Variants in ICA1 observed in about 807,000 individuals in gnomAD.
The protein encoded by ICA1 is islet cell autoantigen 1, also known as 69 kDa islet cell autoantigen.
Under a neutral mutation model 71.0 loss-of-function variants are expected in ICA1, and 40 were observed. That is an observed-to-expected ratio of 0.56 (90% CI 0.44 to 0.73). ICA1 has a LOEUF of 0.73. Among genes scored for constraint, ICA1 ranks in the 30% least tolerant of loss-of-function variants. The pLI, the probability that ICA1 is intolerant of heterozygous loss-of-function variation, is 0.00. For missense variants in ICA1, 578 were observed against 576.5 expected (o/e 1.00, Z -0.03); for synonymous variants, 207 against 209.5 (o/e 0.99, Z 0.10).
chr7:8,249,374 C>T (rs936102905), intron 1 of ICA1, among the ~76,000 whole-genome samples: 2 of 152,200 alleles, frequency 1.3e-5, no homozygotes, highest in South Asian at 2.1e-4. Context: ...TGTAACTAAC[C>T]GTAAGCAGTT....
At chr7:8,121,897 C>T (rs10268598) in intron 13 of ICA1, among the ~76,000 whole-genome samples, 50,609 of 152,030 alleles carry the variant, frequency 0.33, 9,596 homozygotes, top group African/African-American at 0.52. Context: ...ACTAGTCCCA[C>T]AGAAATTAAA....
intron 6 of ICA1, among the ~76,000 whole-genome samples, chr7:8,184,497 G>C (rs1041944130): frequency 2.0e-5 from 3 of 152,188 alleles, no homozygotes; most frequent in African/African-American, 7.2e-5. Flanking sequence ...GGGTTGGAGA[G>C]GGGAGGAAAT....
chr7:8,119,377 A>T (rs1314898266), intron 13 of ICA1, among the ~76,000 whole-genome samples: 1 of 152,208 alleles, frequency 6.6e-6, no homozygotes. Flanking sequence ...AGAACACTGG[A>T]AAAAAGAGGC....
At chr7:8,143,835 G>T in intron 9 of ICA1, 40 bp downstream of exon 9, 3 of 1,318,508 alleles carry the variant, frequency 2.3e-6, no homozygotes, top group South Asian at 1.2e-5. Context: ...ACTCTCACCT[G>T]TGGGAAGAAA....
At chr7:8,160,108 G>T (rs192155489) in intron 6 of ICA1, among the ~76,000 whole-genome samples, 1 of 152,238 alleles carries the variant, frequency 6.6e-6, no homozygotes, top group African/African-American at 2.4e-5. Context: ...GCTGAATAAA[G>T]AAATTTTTCA....
chr7:8,144,025 G>C lies in ICA1; in HGVS notation c.805-53C>G, dbSNP rs1194225752. 4.9e-6 allele frequency: 5 copies of C among 1,029,000 alleles called. No individual in the cohort carries two copies. Among genetic ancestry groups the C allele is most frequent in the Admixed American group, 2.4e-5 (1 of 41,364 alleles). The allele number at this position is 1,029,000 out of a possible 1,614,324, so 63.7% of individuals were successfully genotyped here. On this transcript the variant is annotated intron_variant, in intron 8 of 13. Coordinates refer to ENST00000402384, the MANE Select transcript of ICA1 (RefSeq NM_001136020.3). The surrounding 1 kb of genome is among the most constrained non-coding windows in gnomAD (Gnocchi z 4.5). ...AAAGAAAAAAAAAGAAGAAGAAATA[G>C]AGACAAAAAAAAGAAAAGAAAGGTT... is the stretch of plus-strand genomic sequence containing the variant.
intron 1 of ICA1, among the ~76,000 whole-genome samples, chr7:8,255,244 C>T (rs1267382489): frequency 6.6e-6 from 1 of 152,168 alleles, no homozygotes; most frequent in Non-Finnish European, 1.5e-5. Flanking sequence ...TAAGCCCATG[C>T]TCTCTGGTTC....
At chr7:8,198,193 C>T (rs76615464) in intron 6 of ICA1, among the ~76,000 whole-genome samples, 4 of 152,318 alleles carry the variant, frequency 2.6e-5, no homozygotes, top group Non-Finnish European at 4.4e-5. Flanking sequence ...GCGCTGCACA[C>T]TGTGCTACTT....
At chr7:8,149,335 G>A (rs1439196279) in intron 8 of ICA1, among the ~76,000 whole-genome samples, 1 of 152,202 alleles carries the variant, frequency 6.6e-6, no homozygotes, top group Non-Finnish European at 1.5e-5. Flanking sequence ...GTTTCTTTGT[G>A]GAGGAAAGAA....
chr7:8,188,994 G>C (rs1186879300), intron 6 of ICA1, among the ~76,000 whole-genome samples: 2 of 152,192 alleles, frequency 1.3e-5, no homozygotes, highest in African/African-American at 4.8e-5. Flanking sequence ...CCTGGGAGAG[G>C]AGTCAATTAA....
Position 8,234,153 on chromosome 7 carries a change from C to G in ICA1, c.18-1398G>C, listed in dbSNP as rs7807796. On this transcript the variant is annotated intron_variant, in intron 2 of 13. Coordinates refer to ENST00000402384, the MANE Select transcript of ICA1 (RefSeq NM_001136020.3). The surrounding 1 kb of genome is among the most constrained non-coding windows in gnomAD (Gnocchi z 4.5). ...ATTGTTCAAGTCCAGGAGTTTGAGG[C>G]TGCAGGGAGCCGTGATCACACCACT... 0.033 allele frequency among the ~76,000 whole-genome samples: 5,045 copies of G among 152,190 alleles called. 284 individuals are homozygous for G. The highest frequency in any genetic ancestry group is 0.12 in the African/African-American group (4,800 of 41,504).
chr7:8,175,797 A>G (rs1204145994), intron 6 of ICA1, among the ~76,000 whole-genome samples: 1 of 152,208 alleles, frequency 6.6e-6, no homozygotes, highest in Admixed American at 6.5e-5. Context: ...AATATATCAA[A>G]TGTTGTACTG....
chr7:8,113,655 C>T lies in ICA1; in HGVS notation c.*268G>A. 1 of 308,562 alleles carries T rather than the reference C, an allele frequency of 3.2e-6. No individual in the cohort carries two copies. The highest frequency in any genetic ancestry group is 4.6e-5 in the South Asian group (1 of 21,784). The allele number at this position is 308,562 out of a possible 1,614,324, so 19.1% of individuals were successfully genotyped here. A position where few individuals can be genotyped will look rare whatever the true frequency, so the allele number is the denominator to read the frequency against. ...GGTAGCCCAGTGACACCGCAGCAGC[C>T]ATGATGGGATGTAGGCAGGAGAGCG... On this transcript the variant is annotated 3_prime_UTR_variant, in exon 14 of 14. Transcript: ENST00000402384. The surrounding 1 kb of genome is among the most constrained non-coding windows in gnomAD (Gnocchi z 4.2).
At chr7:8,125,631 T>C (rs1788882071) in intron 13 of ICA1, among the ~76,000 whole-genome samples, 1 of 152,214 alleles carries the variant, frequency 6.6e-6, no homozygotes, top group South Asian at 2.1e-4. Flanking sequence ...TATTATTCAC[T>C]GCCTGTCTGC....
intron 8 of ICA1, among the ~76,000 whole-genome samples, chr7:8,147,821 C>A (rs1291541678): frequency 6.6e-6 from 1 of 151,844 alleles, no homozygotes; most frequent in Non-Finnish European, 1.5e-5. Context: ...TGAATAATGT[C>A]ATTTTGTTAT....
At chr7:8,124,322 T>A (rs1788259716) in intron 13 of ICA1, among the ~76,000 whole-genome samples, 1 of 151,896 alleles carries the variant, frequency 6.6e-6, no homozygotes, top group African/African-American at 2.4e-5. Context: ...GGTTTCACCA[T>A]TTTGGCCATG....
intron 6 of ICA1, among the ~76,000 whole-genome samples, chr7:8,175,163 C>T (rs374664972): frequency 1.1e-3 from 167 of 152,102 alleles, no homozygotes; most frequent in African/African-American, 4.0e-3. Flanking sequence ...AGTGGGCTGG[C>T]CAAGCTGATG....
chr7:8,134,398 C>A (rs1792588355), intron 12 of ICA1, among the ~76,000 whole-genome samples: 2 of 152,174 alleles, frequency 1.3e-5, no homozygotes. Context: ...TTCATGACCT[C>A]AGCATAAATT....
In ICA1 at chr7:8,164,694, A is replaced by G. The variant is rs537530978; in HGVS notation, c.580-6042T>C. On this transcript the variant is annotated intron_variant, in intron 6 of 13. Transcript: ENST00000402384. Reference sequence around the variant, plus strand: ...CATCCTGCATTCAGGGAAAATTTTAAGATCACTGAATATATCAATTACTTC... The same window carrying G: ...CATCCTGCATTCAGGGAAAATTTTAGGATCACTGAATATATCAATTACTTC... 2.0e-5 allele frequency among the ~76,000 whole-genome samples: 3 copies of G among 152,332 alleles called. No individual in the cohort carries two copies. In the South Asian group the frequency reaches 6.2e-4, roughly 32 times the overall value.
Sources: allele counts gnomAD v4.1 joint callset (sites outside exome capture counted in the v4.1 genomes callset), GRCh38; gene constraint gnomAD v4.1.1; non-coding constraint Gnocchi (gnomAD v3.1); transcripts MANE v1.5; gene names NCBI Gene and HGNC (gene_info 2026-07-23, HGNC 2026-07-21).